AP1B1: variants seen among roughly 807,000 people sequenced by gnomAD.
AP1B1 encodes the protein adaptor related protein complex 1 subunit beta 1, also known as AP-1 complex subunit beta-1.
AP1B1 carries 36 observed loss-of-function variants against 104.3 expected under a neutral mutation model. The observed-to-expected ratio is 0.35, with a 90% CI of 0.26 to 0.46. AP1B1 has a LOEUF of 0.46. Among genes scored for constraint, AP1B1 ranks in the 20% least tolerant of loss-of-function variants. The pLI, the probability that AP1B1 is intolerant of heterozygous loss-of-function variation, is 1.00. For synonymous variants in AP1B1, 504 were observed against 517.5 expected (o/e 0.97, Z 0.35); for missense variants, 901 against 1,247.9 (o/e 0.72, Z 4.19).
chr22:29,338,899 A>G (rs2061673973), intron 16 of AP1B1, 91 bp downstream of exon 16: 1 of 1,548,972 alleles, frequency 6.5e-7, no homozygotes. Flanking sequence ...GGCCTGAGCC[A>G]ATTCCACAGC....
intron 1 of AP1B1, among the ~76,000 whole-genome samples, chr22:29,376,415 T>C (rs2062342248): frequency 6.6e-6 from 1 of 152,110 alleles, no homozygotes; most frequent in African/African-American, 2.4e-5. Flanking sequence ...GAGAAAAAGC[T>C]TTAGGAAAGG....
rs543399344 is a variant in AP1B1 at position 29,330,250 on chromosome 22, G to T, written c.2766+128C>A. 2.0e-6 allele frequency: 3 copies of T among 1,514,380 alleles called. No homozygotes were observed. The South Asian group carries it at 3.6e-5, about 18-fold the overall frequency. The allele number at this position is 1,514,380 out of a possible 1,614,324, so 93.8% of individuals were successfully genotyped here. On this transcript the variant is annotated intron_variant, in intron 21 of 22. Transcript: ENST00000357586. ...GCTTTCTAGAAAGGTCCTTCTCAGG[G>T]ACCAAACTGATTCTAGTTCAAGCCA...
intron 5 of AP1B1, among the ~76,000 whole-genome samples, chr22:29,358,484 AAG>A (rs1024146530): frequency 3.9e-5 from 6 of 152,176 alleles, no homozygotes; most frequent in African/African-American, 1.4e-4. Flanking sequence ...TGATGAAGAA[AAG>A]AGAGCCTAGG....
intron 1 of AP1B1, chr22:29,370,557 C>T (rs1392073895): frequency 6.6e-6 from 1 of 152,054 alleles, no homozygotes. Context: ...CTTGCCTCTC[C>T]AGAAGAAAAA....
chr22:29,332,072 C>T, intron 17 of AP1B1, 156 bp from the exon 18 acceptor site: 1 of 698,164 alleles, frequency 1.4e-6, no homozygotes, highest in Admixed American at 3.2e-5. Context: ...GAAGGATGGG[C>T]TGTGGGTCCC....
intron 12 of AP1B1, among the ~76,000 whole-genome samples, 173 bp from the exon 13 acceptor site, chr22:29,341,933 G>A (rs898752338): frequency 1.3e-5 from 2 of 152,150 alleles, no homozygotes; most frequent in African/African-American, 4.8e-5. Context: ...CCCTGGCCCC[G>A]GGCTCATTCC....
rs202031088 is a variant in AP1B1, at chr22:29,351,123, C to T, written c.1155+48G>A. 56 of 1,548,126 alleles carry T rather than the reference C, an allele frequency of 3.6e-5. No homozygotes were observed. In the African/African-American group the frequency reaches 6.1e-4, roughly 17 times the overall value. On this transcript the variant is annotated intron_variant, in intron 9 of 22. Transcript: ENST00000357586. The stretch of plus-strand genomic sequence containing the variant: ...TTGAATCAGACTGGTTTCCCGGTTT[C>T]AGCCCCCTTTTCCTTCTCCAGCCAA...
rs1394195178 is a variant in AP1B1, at chr22:29,329,596, C to T, written c.2775+116G>A. The T allele has an allele frequency of 1.4e-5, 22 of 1,553,344 alleles. No homozygotes were observed. The South Asian group carries it at 1.5e-4, about 10-fold the overall frequency. On this transcript the variant is annotated intron_variant, in intron 22 of 22. Transcript: ENST00000357586. ...TCAGGGCCACCTGGCTGAAGCCCCC[C>T]GGGTGAGGTGAGGCCAAGAGATGAG...
At chr22:29,347,528 T>G (rs1038641664) in intron 11 of AP1B1, among the ~76,000 whole-genome samples, 2 of 152,186 alleles carry the variant, frequency 1.3e-5, no homozygotes, top group African/African-American at 4.8e-5. Context: ...GTCCCACACT[T>G]GGACCCACGG....
rs13054532 is a variant in AP1B1, at chr22:29,357,065, T to G, written c.526-449A>C. On this transcript the variant is annotated intron_variant, in intron 5 of 22. Coordinates refer to ENST00000357586, the MANE Select transcript of AP1B1 (RefSeq NM_001127.4). ...CACTAGGAAGGTGTTTTTTTTTGTT[T>G]TTTGTTTTTTTTTTTTGAGATGGAG... Among the ~76,000 whole-genome samples, 142 of 67,196 alleles carry G rather than the reference T, an allele frequency of 2.1e-3. 1 individual carries two copies. The highest frequency in any genetic ancestry group is 3.4e-3 in the South Asian group (6 of 1,760). 44.1% of individuals were successfully genotyped at this position (67,196 alleles called of 152,430 possible). A position where few individuals can be genotyped will look rare whatever the true frequency, so the allele number is the denominator to read the frequency against.
rs1399337778 is a variant in AP1B1, at chr22:29,358,988, A to G, written c.280-17T>C. The G allele has an allele frequency of 1.3e-6, 2 of 1,595,056 alleles. No individual in the cohort carries two copies. The highest frequency in any genetic ancestry group is 1.7e-6 in the Non-Finnish European group (2 of 1,170,892). On this transcript the variant is annotated splice_polypyrimidine_tract_variant and intron_variant, in intron 4 of 22. Coordinates refer to ENST00000357586, the MANE Select transcript of AP1B1 (RefSeq NM_001127.4). ...CTCACAGTCCTGGGGGGAACCAGCCATCGGCCAGGGCAGGGGTGGGATGAG... is the reference window on the plus strand; with the variant it reads ...CTCACAGTCCTGGGGGGAACCAGCCGTCGGCCAGGGCAGGGGTGGGATGAG...
Position 29,359,651 on chromosome 22 carries a change from T to A in AP1B1, c.279+173A>T, listed in dbSNP as rs555584510. 4 of 763,158 alleles carry A rather than the reference T, an allele frequency of 5.2e-6. No homozygotes were observed. The Admixed American group carries it at 1.1e-4, about 20-fold the overall frequency. 47.3% of individuals were successfully genotyped at this position (763,158 alleles called of 1,614,324 possible). A position where few individuals can be genotyped will look rare whatever the true frequency, so the allele number is the denominator to read the frequency against. On this transcript the variant is annotated intron_variant, in intron 4 of 22. Transcript: ENST00000357586. ...TTACGCAGGGTCCTTAGCATCTGATTTTCTGGAGAGTGGGAGCCCTCTGCT... is the reference window on the plus strand; with the variant it reads ...TTACGCAGGGTCCTTAGCATCTGATATTCTGGAGAGTGGGAGCCCTCTGCT...
rs117462431 is a variant in AP1B1 at position 29,362,189 on chromosome 22, C to T, written c.143+812G>A. On this transcript the variant is annotated intron_variant, in intron 3 of 22. Coordinates refer to ENST00000357586, the MANE Select transcript of AP1B1 (RefSeq NM_001127.4). Reference sequence around the variant, plus strand: ...GTGCGGCAGCCGCTCTACACACAACCGGCTTTAGCCATCAGGTGCGACAGA... The same window carrying T: ...GTGCGGCAGCCGCTCTACACACAACTGGCTTTAGCCATCAGGTGCGACAGA... Among the ~76,000 whole-genome samples, 519 of 152,346 alleles carry T rather than the reference C, an allele frequency of 3.4e-3. 13 individuals carry two copies. The East Asian group carries it at 0.068, about 20-fold the overall frequency.
chr22:29,364,761 T>G (rs1438464027), intron 2 of AP1B1, among the ~76,000 whole-genome samples: 1 of 148,020 alleles, frequency 6.8e-6, no homozygotes, highest in Non-Finnish European at 1.5e-5. Context: ...CAGGCTGGAG[T>G]GCAGCGGTGC....
intron 1 of AP1B1, among the ~76,000 whole-genome samples, chr22:29,381,881 A>ATC (rs543483120): frequency 1.3e-5 from 2 of 151,820 alleles, no homozygotes; most frequent in African/African-American, 4.8e-5. Context: ...ACTCTTCACT[A>ATC]TCTCTACCCT....
intron 1 of AP1B1, among the ~76,000 whole-genome samples, chr22:29,368,813 T>C (rs2062184997): frequency 6.6e-6 from 1 of 151,538 alleles, no homozygotes; most frequent in Non-Finnish European, 1.5e-5. Flanking sequence ...TAGTCCCATC[T>C]ACTTGGGAGG....
chr22:29,365,661 C>A (rs1807503), intron 2 of AP1B1, among the ~76,000 whole-genome samples: 1 of 150,270 alleles, frequency 6.7e-6, no homozygotes, highest in African/African-American at 2.5e-5. Context: ...TGGGCTCAAG[C>A]AAGTAATCCT....
chr22:29,357,062 G>T (rs905300741), intron 5 of AP1B1, among the ~76,000 whole-genome samples: 3 of 147,632 alleles, frequency 2.0e-5, no homozygotes, highest in African/African-American at 5.2e-5. Context: ...GTTTTTTTTT[G>T]TTTTTTGTTT....
At chr22:29,384,854 C>A (rs1602839397) in intron 1 of AP1B1, among the ~76,000 whole-genome samples, 1 of 151,638 alleles carries the variant, frequency 6.6e-6, no homozygotes, top group Non-Finnish European at 1.5e-5. Context: ...GGCGAAAAAG[C>A]GAGACTCTGT....
Sources: allele counts gnomAD v4.1 joint callset (sites outside exome capture counted in the v4.1 genomes callset), GRCh38; gene constraint gnomAD v4.1.1; transcripts MANE v1.5; gene names NCBI Gene and HGNC (gene_info 2026-07-23, HGNC 2026-07-21).